BRD3: variants seen among roughly 807,000 people sequenced by gnomAD.
The protein encoded by BRD3 is bromodomain containing 3, also known as bromodomain-containing protein 3.
BRD3 carries 17 observed loss-of-function variants against 66.8 expected under a neutral mutation model. The observed-to-expected ratio is 0.25, with a 90% CI of 0.17 to 0.38. The LOEUF (loss-of-function observed/expected upper bound fraction) is 0.38. BRD3 is among the 10% of genes least tolerant of loss of function. BRD3 has a pLI of 1.00. For missense variants in BRD3, 713 were observed against 956.1 expected, an observed-to-expected ratio of 0.75 and a Z score of 3.35; for synonymous variants, 421 against 393.2, an observed-to-expected ratio of 1.07 and a Z score of -0.84.
chr9:134,065,585 C>T (rs1306604768), intron 1 of BRD3, among the ~76,000 whole-genome samples: 1 of 152,252 alleles, frequency 6.6e-6, no homozygotes, highest in Non-Finnish European at 1.5e-5. Flanking sequence ...CGACTTCAGG[C>T]ATGCCCCCAC....
Position 134,052,297 on chromosome 9 carries a change from T to C in BRD3, c.351+9A>G. 6.2e-7 allele frequency: 1 copy of C among 1,611,780 alleles called. No homozygotes were observed. The highest frequency in any genetic ancestry group is 8.5e-7 in the Non-Finnish European group (1 of 1,179,882). ...CTGCAAGCGGCGTGCCAGGCCCGCA[T>C]CTTCTTACCTTGTTATAAATGTAAC... is the stretch of plus-strand genomic sequence containing the variant. On this transcript the variant is annotated intron_variant, in intron 3 of 11. Coordinates refer to ENST00000303407, the MANE Select transcript of BRD3 (RefSeq NM_007371.4).
In BRD3 at chr9:134,036,291, G is replaced by C. The variant is rs187775678; in HGVS notation, c.1677C>G (p.Ala559=). 6.2e-7 allele frequency: 1 copy of C among 1,609,254 alleles called. No homozygotes were observed. Among genetic ancestry groups the C allele is most frequent in the South Asian group, 1.1e-5 (1 of 90,774 alleles). ...CCTCCTCTTCCTCTGAGTCGTAGGA[G>C]GCAGATGCCTGCTTGCCGCCTTTCT... ...QLKKGGKQAS[A]SYDSEEEEEG... The change falls in exon 10 of 12, where the codon GCC becomes GCG. Residue 559 remains alanine (A), a synonymous_variant. Coordinates refer to ENST00000303407, the MANE Select transcript of BRD3 (RefSeq NM_007371.4).
In BRD3 at chr9:134,053,494, C is replaced by T; in HGVS notation, c.-17G>A. 6.4e-7 allele frequency: 1 copy of T among 1,569,220 alleles called. No homozygotes were observed. Among genetic ancestry groups the T allele is most frequent in the Non-Finnish European group, 8.6e-7 (1 of 1,160,650 alleles). ...GGTGGACATCCTCCGGCAGCTCACT[C>T]ACTTTCTGTCACAGCAGCGGCTTGG... On this transcript the variant is annotated 5_prime_UTR_variant, in exon 2 of 12. An upstream open reading frame in the 5' UTR loses its in-frame stop. Coordinates refer to ENST00000303407, the MANE Select transcript of BRD3 (RefSeq NM_007371.4).
chr9:134,053,323 T>G lies in BRD3; in HGVS notation c.155A>C (p.Lys52Thr), dbSNP rs1830342435. The G allele has an allele frequency of 1.9e-6, 3 of 1,613,608 alleles. No homozygotes were observed. Among genetic ancestry groups the G allele is most frequent in the Non-Finnish European group, 2.5e-6 (3 of 1,180,012 alleles). ...MQNVVVKTLW[K>T]HQFAWPFYQP... ...GTAGAAGGGCCAGGCGAACTGGTGT[T>G]TCCAGAGCGTCTTCACCACCACATT... Residue 52 changes from lysine to threonine, a missense_variant, in exon 2 of 12, where the codon AAA (lysine) becomes ACA (threonine). This residue lies in a region of BRD3 where 85 missense variants were observed against 152.4 expected (regional missense o/e 0.56). Transcript: ENST00000303407.
chr9:134,051,157 A>T (rs954504494), intron 4 of BRD3, among the ~76,000 whole-genome samples: 1 of 152,224 alleles, frequency 6.6e-6, no homozygotes, highest in Non-Finnish European at 1.5e-5. Flanking sequence ...GGCAGGTGAT[A>T]GTGACTCTCA....
At chr9:134,053,138 A>G in intron 2 of BRD3, 127 bp downstream of exon 2, 2 of 1,063,840 alleles carry the variant, frequency 1.9e-6, no homozygotes, top group Non-Finnish European at 2.8e-6. Context: ...CCTGAGGCAC[A>G]GGCTGTCCCC....
intron 1 of BRD3, among the ~76,000 whole-genome samples, chr9:134,065,917 G>A (rs1324542436): frequency 6.6e-6 from 1 of 152,212 alleles, no homozygotes; most frequent in Non-Finnish European, 1.5e-5. Flanking sequence ...GCTTCGCTCT[G>A]CACACCCCCA....
chr9:134,056,117 G>A (rs1284656310), intron 1 of BRD3: 3 of 152,286 alleles, frequency 2.0e-5, no homozygotes, highest in Non-Finnish European at 2.9e-5. Context: ...ACCAGCCCAC[G>A]AGCCACGGCA....
intron 7 of BRD3, 122 bp from the exon 8 acceptor site, chr9:134,042,073 C>A: frequency 1.7e-6 from 2 of 1,167,362 alleles, no homozygotes; most frequent in Non-Finnish European, 2.3e-6. Context: ...GAAGGTGGGG[C>A]TAGGAGGAGA....
chr9:134,043,499 G>A (rs1030756307), intron 7 of BRD3, among the ~76,000 whole-genome samples: 2 of 152,200 alleles, frequency 1.3e-5, no homozygotes, highest in African/African-American at 4.8e-5. Context: ...CAGCTCTGGA[G>A]AAGCCCACCC....
chr9:134,041,588 C>T (rs1338534270), intron 8 of BRD3, among the ~76,000 whole-genome samples, 172 bp downstream of exon 8: 1 of 152,256 alleles, frequency 6.6e-6, no homozygotes, highest in African/African-American at 2.4e-5. Context: ...GTTAGGCTCG[C>T]ACCACCCCAG....
Position 134,048,328 on chromosome 9 carries a change from T to C in BRD3, c.841A>G (p.Ser281Gly), listed in dbSNP as rs1479919252. The stretch of plus-strand genomic sequence containing the variant: ...GGAGGCTTGATGGGGCGGCCACCAC[T>C]CTCCCGCCGGGCCACCACTTTGGCC... ...KQAKVVARRESGGRPIKPPKK... is the reference protein window; with the variant it reads ...KQAKVVARREGGGRPIKPPKK... The change falls in exon 6 of 12, where the codon AGT becomes GGT. Residue 281 changes from serine to glycine, a missense_variant. By Grantham distance (56) the Ser-to-Gly change is moderately conservative. Transcript: ENST00000303407. 6.3e-7 allele frequency: 1 copy of C among 1,598,904 alleles called. No homozygotes were observed. The highest frequency in any genetic ancestry group is 1.1e-5 in the South Asian group (1 of 91,000).
Position 134,032,709 on chromosome 9 carries a change from A to G in BRD3, c.*881T>C. The G allele has an allele frequency of 4.3e-6, 1 of 232,442 alleles. No homozygotes were observed. The highest frequency in any genetic ancestry group is 6.2e-5 in the East Asian group (1 of 16,232). 14.4% of individuals were successfully genotyped at this position (232,442 alleles called of 1,614,324 possible). A position where few individuals can be genotyped will look rare whatever the true frequency, so the allele number is the denominator to read the frequency against. On this transcript the variant is annotated 3_prime_UTR_variant, in exon 12 of 12. Transcript: ENST00000303407. ...ATGATGTTAATAAATAACTATTTAT[A>G]TACACATAAGCTCGGGAAGTGGTTC...
chr9:134,050,616 A>T (rs1234580574), intron 4 of BRD3, 28 bp from the exon 5 acceptor site: 1 of 1,567,498 alleles, frequency 6.4e-7, no homozygotes, highest in African/African-American at 1.3e-5. Flanking sequence ...GATGTTCAAC[A>T]CACCAGGCTC....
At chr9:134,053,639 C>A (rs942269485) in intron 1 of BRD3, 49 bp from the exon 2 acceptor site, 2 of 1,419,580 alleles carry the variant, frequency 1.4e-6, no homozygotes, top group Non-Finnish European at 1.8e-6. Context: ...ACCCCGGGGA[C>A]CCCCACCTCT....
chr9:134,036,231 C>G lies in BRD3; in HGVS notation c.1737G>C (p.Gln579His), dbSNP rs1416020522. The change falls in exon 10 of 12, where the codon CAG becomes CAC. Residue 579 changes from glutamine to histidine, a missense_variant. By Grantham distance (24) the Gln-to-His change is conservative. Transcript: ENST00000303407. ...GCAGCCGGTTGATGTCCAGGCTAAG[C>G]TGGCGCTTTTCATCGTAGCTCATGG... ...GLPMSYDEKR[Q>H]LSLDINRLPG... 1.9e-6 allele frequency: 3 copies of G among 1,614,240 alleles called. No individual in the cohort carries two copies. The highest frequency in any genetic ancestry group is 2.5e-6 in the Non-Finnish European group (3 of 1,180,046).
At chr9:134,049,001 G>A (rs1233326040) in intron 5 of BRD3, among the ~76,000 whole-genome samples, 1 of 152,182 alleles carries the variant, frequency 6.6e-6, no homozygotes, top group African/African-American at 2.4e-5. Flanking sequence ...CAGGAGGCAT[G>A]AAGCAGCCAC....
chr9:134,039,629 C>G (rs888363698), intron 9 of BRD3, among the ~76,000 whole-genome samples: 4 of 152,228 alleles, frequency 2.6e-5, no homozygotes, highest in Non-Finnish European at 5.9e-5. Flanking sequence ...GGTGCCCAGC[C>G]ACAGCAGGGG....
chr9:134,056,815 TCCA>T (rs1412226060), intron 1 of BRD3: 4 of 152,262 alleles, frequency 2.6e-5, no homozygotes, highest in African/African-American at 9.6e-5. Flanking sequence ...CAGGTCCCCG[TCCA>T]CAGCACATTC....
Sources: gnomAD v4.1 joint callset for allele counts (sites outside exome capture counted in the v4.1 genomes callset) on GRCh38, gnomAD v4.1.1 for gene constraint, gnomAD v4.1.1 regional missense constraint, MANE v1.5 for transcripts, NCBI Gene and HGNC (gene_info 2026-07-23, HGNC 2026-07-21) for gene names.